The following ECM2 variants were observed in gnomAD, a reference collection of about 807,000 sequenced individuals.
ECM2 encodes extracellular matrix protein 2, female organ and adipocyte specific.
ECM2 carries 57 observed loss-of-function variants against 67.5 expected under a neutral mutation model. That is an observed-to-expected ratio of 0.84 (90% CI 0.68 to 1.05). The LOEUF is 1.05. Ranked by LOEUF, ECM2 falls within the 50% of genes least tolerant of loss-of-function variation. ECM2 has a pLI of 0.00. For synonymous variants in ECM2, 258 were observed against 294.5 expected (o/e 0.88, Z 1.27); for missense variants, 741 against 822.8 (o/e 0.90, Z 1.22).
In ECM2 at chr9:92,505,617, G is replaced by C. The variant is rs1294645375; in HGVS notation, c.1380C>G (p.Phe460Leu). 6.2e-7 allele frequency: 1 copy of C among 1,611,234 alleles called. No homozygotes were observed. The highest frequency in any genetic ancestry group is 1.1e-5 in the South Asian group (1 of 90,000). Reference protein sequence around the residue: ...LSEANVNPLAFKPLKSLAYLR... With the variant: ...LSEANVNPLALKPLKSLAYLR... ...AGTAGGCTAGGCTCTTCAAAGGTTT[G>C]AAAGCTAAAGGATTGACATTGGCTT... The change falls in exon 7 of 10, where the codon TTC becomes TTG. Residue 460 changes from phenylalanine (F) to leucine (L), a missense_variant. Physicochemically the swap from Phe to Leu is conservative, Grantham distance 22 (BLOSUM62 0). Coordinates refer to ENST00000344604, the MANE Select transcript of ECM2 (RefSeq NM_001393.4).
the ECM2 span, among the ~76,000 whole-genome samples, chr9:92,553,170 C>T: frequency 6.6e-6 from 1 of 152,126 alleles, no homozygotes; most frequent in Middle Eastern, 3.2e-3. Context: ...AAAAGGTTGT[C>T]CTTTCCCCAC....
At chr9:92,512,225 T>TC in intron 4 of ECM2, 99 bp from the exon 5 acceptor site, 1 of 678,672 alleles carries the variant, frequency 1.5e-6, no homozygotes, top group Non-Finnish European at 2.5e-6. Context: ...GAGAGCTTTG[T>TC]CTGGAGGAGA....
At chr9:92,544,132 T>C in the ECM2 span, among the ~76,000 whole-genome samples, 5 of 152,170 alleles carry the variant, frequency 3.3e-5, no homozygotes, top group East Asian at 9.6e-4. Context: ...AGAAATGCTT[T>C]CAGCTTTTCA....
chr9:92,523,647 A>G (rs775876708), intron 1 of ECM2, among the ~76,000 whole-genome samples: 12 of 152,250 alleles, frequency 7.9e-5, no homozygotes, highest in Non-Finnish European at 1.6e-4. Flanking sequence ...GGCGTAATCT[A>G]TAGCAGTAGC....
At chr9:92,512,644 G>A (rs897925507) in intron 4 of ECM2, among the ~76,000 whole-genome samples, 2 of 152,140 alleles carry the variant, frequency 1.3e-5, no homozygotes, top group African/African-American at 4.8e-5. Context: ...CTAATGTTAT[G>A]CCTCTACGGC....
chr9:92,531,053 A>G (rs952728264), intron 1 of ECM2, among the ~76,000 whole-genome samples: 6 of 152,088 alleles, frequency 3.9e-5, no homozygotes, highest in Non-Finnish European at 8.8e-5. Flanking sequence ...TTAGTGGCAT[A>G]TTGTGGAGTT....
intron 5 of ECM2, among the ~76,000 whole-genome samples, chr9:92,511,465 T>C (rs1215820569): frequency 6.6e-6 from 1 of 151,790 alleles, no homozygotes; most frequent in Non-Finnish European, 1.5e-5. Flanking sequence ...GTCCAATCTG[T>C]ATCTTTCAAA....
chr9:92,514,312 G>A (rs1405432628), intron 4 of ECM2, among the ~76,000 whole-genome samples: 1 of 144,942 alleles, frequency 6.9e-6, no homozygotes, highest in African/African-American at 2.6e-5. Flanking sequence ...TCTCGCTCAA[G>A]TGCCCAGGCT....
At chr9:92,526,578 G>C (rs898355602) in intron 1 of ECM2, among the ~76,000 whole-genome samples, 1 of 150,370 alleles carries the variant, frequency 6.7e-6, no homozygotes, top group African/African-American at 2.4e-5. Flanking sequence ...AAATAATAAA[G>C]ATCAGAATAG....
chr9:92,534,987 T>C (rs1162039533), intron 1 of ECM2, among the ~76,000 whole-genome samples: 1 of 152,174 alleles, frequency 6.6e-6, no homozygotes, highest in Non-Finnish European at 1.5e-5. Context: ...CACTCACTTA[T>C]GGGGCATTGC....
rs759138366 is a variant in ECM2 at position 92,514,946 on chromosome 9, C to T, written c.739G>A (p.Gly247Arg). 1.2e-6 allele frequency: 2 copies of T among 1,613,986 alleles called. No homozygotes were observed. The highest frequency in any genetic ancestry group is 2.2e-5 in the East Asian group (1 of 44,892). Residue 247 changes from glycine (G) to arginine (R), a missense_variant, in exon 4 of 10, where the codon GGA becomes AGA. Coordinates refer to ENST00000344604, the MANE Select transcript of ECM2 (RefSeq NM_001393.4). ...GQLYSEGDSR[G>R]GDRKQRPGEE... Reference sequence around the variant, plus strand: ...CCAGGCCTCTGCTTTCTGTCTCCTCCTCTGCTGTCCCCCTCACTGTAAAGT... The same window carrying T: ...CCAGGCCTCTGCTTTCTGTCTCCTCTTCTGCTGTCCCCCTCACTGTAAAGT...
intron 4 of ECM2, 120 bp downstream of exon 4, chr9:92,514,511 G>A (rs1847560466): frequency 1.6e-5 from 21 of 1,334,386 alleles, no homozygotes; most frequent in Non-Finnish European, 2.1e-5. Flanking sequence ...CTGACCTCAG[G>A]TGATCTGGCC....
chr9:92,498,304 A>G (rs1214268656), intron 9 of ECM2, among the ~76,000 whole-genome samples: 1 of 152,172 alleles, frequency 6.6e-6, no homozygotes, highest in Admixed American at 6.5e-5. Flanking sequence ...AAAGACAATC[A>G]TAGACGTTGG....
At chr9:92,552,208 CA>C in the ECM2 span, among the ~76,000 whole-genome samples, 1 of 150,610 alleles carries the variant, frequency 6.6e-6, no homozygotes, top group African/African-American at 2.5e-5. Context: ...CACACACACA[CA>C]CACACACCCC....
At chr9:92,496,576 TTAAAA>T in intron 9 of ECM2, 93 bp from the exon 10 acceptor site, 2 of 1,502,844 alleles carry the variant, frequency 1.3e-6, no homozygotes, top group East Asian at 4.8e-5. Flanking sequence ...AATTTTGTTC[TTAAAA>T]TAAAGTTGGA....
Position 92,500,803 on chromosome 9 carries a change from C to G in ECM2, c.1855G>C (p.Asp619His), listed in dbSNP as rs763606251. Residue 619 changes from aspartate to histidine, a missense_variant, in exon 9 of 10, where the codon GAC becomes CAC. Transcript: ENST00000344604. ...SLRELFLDHNDLKSIPPGIQE... is the reference protein window; with the variant it reads ...SLRELFLDHNHLKSIPPGIQE... The stretch of plus-strand genomic sequence containing the variant: ...ATCCCAGGTGGTATAGATTTTAAGT[C>G]ATTGTGATCCAGAAATAATTCTCTC... The G allele has an allele frequency of 1.2e-6, 2 of 1,614,128 alleles. No individual in the cohort carries two copies. Among genetic ancestry groups the G allele is most frequent in the Non-Finnish European group, 1.7e-6 (2 of 1,180,032 alleles).
chr9:92,529,334 G>GC lies in ECM2; in HGVS notation c.-27-6442_-27-6441insG, dbSNP rs1384119079. Reference sequence around the variant, plus strand: ...GTGCTGGTGAGTGTGTGGAGCAACTGTAAGTCTCATTCGGTGCTGGTGGGA... The same window carrying GC: ...GTGCTGGTGAGTGTGTGGAGCAACTGCTAAGTCTCATTCGGTGCTGGTGGGA... On this transcript the variant is annotated intron_variant, in intron 1 of 9. Coordinates refer to ENST00000344604, the MANE Select transcript of ECM2 (RefSeq NM_001393.4). Among the ~76,000 whole-genome samples the GC allele has an allele frequency of 2.0e-5, 3 of 152,190 alleles. No homozygotes were observed. In the East Asian group the frequency reaches 5.8e-4, roughly 29 times the overall value.
intron 1 of ECM2, among the ~76,000 whole-genome samples, chr9:92,532,015 G>GTTTTTTTTTATTTATTTTTTTTTTTTTT (rs1848800192): frequency 1.0e-5 from 1 of 95,732 alleles, no homozygotes; most frequent in Non-Finnish European, 1.9e-5. Flanking sequence ...TTTATTTAAT[G>GTTTTTTTTTATTTATTTTTTTTTTTTTT]TTTTTTTTTT....
chr9:92,540,993 G>A (rs1161408620), upstream of ECM2, among the ~76,000 whole-genome samples: 2 of 152,060 alleles, frequency 1.3e-5, no homozygotes, highest in Non-Finnish European at 2.9e-5. Context: ...TGGGGGCAGT[G>A]GCTCATGCCT....
Sources: gnomAD v4.1 joint callset for allele counts (sites outside exome capture counted in the v4.1 genomes callset) on GRCh38, gnomAD v4.1.1 for gene constraint, MANE v1.5 for transcripts, NCBI Gene and HGNC (gene_info 2026-07-23, HGNC 2026-07-21) for gene names.